The following ARHGEF7 variants were observed in gnomAD, a reference collection of about 807,000 sequenced individuals.
ARHGEF7 encodes Rho guanine nucleotide exchange factor 7.
Under a neutral mutation model 109.8 loss-of-function variants are expected in ARHGEF7, and 33 were observed. That is an observed-to-expected ratio of 0.30 (90% CI 0.23 to 0.40). The LOEUF is 0.40. Ranked by LOEUF, ARHGEF7 falls within the 10% of genes least tolerant of loss-of-function variation. The pLI, the probability that ARHGEF7 is intolerant of heterozygous loss-of-function variation, is 1.00. For synonymous variants in ARHGEF7, 458 were observed against 424.6 expected, an observed-to-expected ratio of 1.08 and a Z score of -0.97; for missense variants, 938 against 1,098.5, an observed-to-expected ratio of 0.85 and a Z score of 2.07.
rs1248906018 is a variant in ARHGEF7 at position 111,221,237 on chromosome 13, ATATATGTC to A, written c.670+3363_670+3370del. Among the ~76,000 whole-genome samples, 391 of 54,186 alleles carry A rather than the reference ATATATGTC, an allele frequency of 7.2e-3. 94 individuals carry two copies. Among genetic ancestry groups the A allele is most frequent in the Non-Finnish European group, 0.013 (347 of 27,658 alleles). 35.5% of individuals were successfully genotyped at this position (54,186 alleles called of 152,430 possible). On this transcript the variant is annotated intron_variant, in intron 5 of 21. Coordinates refer to ENST00000646102, the MANE Select transcript of ARHGEF7 (RefSeq NM_001354046.2). Reference sequence around the variant, plus strand: ...TATGTCTATATATATCTATATAGATATATATGTCTATATATATCTATATAGATATATAT... The same window carrying A: ...TATGTCTATATATATCTATATAGATATATATATATCTATATAGATATATAT...
intron 2 of ARHGEF7, among the ~76,000 whole-genome samples, chr13:111,186,468 G>A (rs1170327551): frequency 6.6e-6 from 1 of 152,214 alleles, no homozygotes; most frequent in Non-Finnish European, 1.5e-5. Context: ...CCCCTGGGGT[G>A]TAGGAGTGGG....
intron 18 of ARHGEF7, among the ~76,000 whole-genome samples, chr13:111,291,389 T>C (rs2093275720): frequency 6.6e-6 from 1 of 152,266 alleles, no homozygotes; most frequent in Non-Finnish European, 1.5e-5. Flanking sequence ...AGGGTCTGCA[T>C]TGGGGTGGCC....
chr13:111,183,907 AG>A (rs2078995414), intron 2 of ARHGEF7, among the ~76,000 whole-genome samples: 1 of 152,164 alleles, frequency 6.6e-6, no homozygotes, highest in Non-Finnish European at 1.5e-5. Context: ...CTTGTGGGGA[AG>A]GGTTGACGGG....
At chr13:111,162,147 C>T (rs115148320) in intron 2 of ARHGEF7, among the ~76,000 whole-genome samples, 417 of 152,318 alleles carry the variant, frequency 2.7e-3, no homozygotes, top group African/African-American at 9.7e-3. Flanking sequence ...AGTACTCCTT[C>T]CTGTCCTATG....
intron 5 of ARHGEF7, among the ~76,000 whole-genome samples, chr13:111,224,948 CAAG>C (rs1443482046): frequency 6.6e-6 from 1 of 152,086 alleles, no homozygotes; most frequent in Non-Finnish European, 1.5e-5. Flanking sequence ...TGTTTTTAAA[CAAG>C]AGAGAAGAAC....
chr13:111,141,830 G>A (rs1279925255), intron 1 of ARHGEF7, among the ~76,000 whole-genome samples: 2 of 152,116 alleles, frequency 1.3e-5, no homozygotes, highest in East Asian at 3.9e-4. Context: ...GCCCCACGTG[G>A]GTAAATATAA....
chr13:111,206,127 A>G (rs2081806844), intron 3 of ARHGEF7, among the ~76,000 whole-genome samples: 1 of 150,936 alleles, frequency 6.6e-6, no homozygotes, highest in Non-Finnish European at 1.5e-5. Context: ...ACCTTCACGG[A>G]TGTTAAATAT....
intron 6 of ARHGEF7, chr13:111,241,173 T>C: frequency 6.5e-7 from 1 of 1,535,800 alleles, no homozygotes. Flanking sequence ...TGTGGGCCTT[T>C]CTTCAGCACT....
At chr13:111,229,552 G>C (rs2153520640) in intron 5 of ARHGEF7, among the ~76,000 whole-genome samples, 1 of 152,186 alleles carries the variant, frequency 6.6e-6, no homozygotes, top group South Asian at 2.1e-4. Flanking sequence ...GATTACATTA[G>C]GTCTTGATTT....
Position 111,233,258 on chromosome 13 carries a change from G to C in ARHGEF7, c.724G>C (p.Asp242His), listed in dbSNP as rs1339036065. 1 of 1,614,010 alleles carries C rather than the reference G, an allele frequency of 6.2e-7. No individual in the cohort carries two copies. The highest frequency in any genetic ancestry group is 2.2e-5 in the East Asian group (1 of 44,898). The change falls in exon 6 of 22, where the codon GAT becomes CAT. Residue 242 changes from aspartate (D) to histidine (H), a missense_variant. Asp to His is a moderately conservative substitution (Grantham distance 81). Transcript: ENST00000646102. Reference protein sequence around the residue: ...GTLKSPPKGFDTTAINKSYYN... With the variant: ...GTLKSPPKGFHTTAINKSYYN... ...ACTGAAGAGCCCTCCCAAAGGATTT[G>C]ATACGACTGCCATAAACAAAAGCTA...
At position 111,185,964 on chromosome 13, in the gene ARHGEF7, G is replaced by A. The variant is rs957085618; in HGVS notation, c.253-19325G>A. On this transcript the variant is annotated intron_variant, in intron 2 of 21. Coordinates refer to ENST00000646102, the MANE Select transcript of ARHGEF7 (RefSeq NM_001354046.2). ...GTCACACTGTCTTTTGGGAGCTCGT[G>A]TGTGTGTGTGTGTGTGTGTGTGTGT... 1.1e-4 allele frequency among the ~76,000 whole-genome samples: 10 copies of A among 87,508 alleles called. No homozygotes were observed. In the East Asian group the frequency reaches 1.6e-3, roughly 14 times the overall value. 57.4% of individuals were successfully genotyped at this position (87,508 alleles called of 152,430 possible). A position where few individuals can be genotyped will look rare whatever the true frequency, so the allele number is the denominator to read the frequency against.
chr13:111,174,659 G>T (rs930882866), intron 2 of ARHGEF7, among the ~76,000 whole-genome samples: 2 of 152,180 alleles, frequency 1.3e-5, no homozygotes, highest in African/African-American at 4.8e-5. Context: ...GTAGACATCT[G>T]GAGGGCCACT....
intron 18 of ARHGEF7, among the ~76,000 whole-genome samples, chr13:111,288,883 G>T (rs2093142133): frequency 6.6e-6 from 1 of 151,940 alleles, no homozygotes; most frequent in African/African-American, 2.4e-5. Flanking sequence ...CCTTGAGCAA[G>T]GTTTCTTTTA....
intron 16 of ARHGEF7, among the ~76,000 whole-genome samples, chr13:111,284,854 C>T (rs780033743): frequency 1.3e-5 from 2 of 152,202 alleles, no homozygotes; most frequent in Non-Finnish European, 2.9e-5. Flanking sequence ...TGACCCTCTG[C>T]GCCTGCAGGT....
rs542823632 is a variant in ARHGEF7 at position 111,130,858 on chromosome 13, G to A, written c.165+15167G>A. ...TCTGACTGATGCATAGCTGTCGTAA[G>A]AGGAGGGGCATGCACCCCTACACAG... On this transcript the variant is annotated intron_variant, in intron 1 of 21. Coordinates refer to ENST00000646102, the MANE Select transcript of ARHGEF7 (RefSeq NM_001354046.2). Among the ~76,000 whole-genome samples the A allele has an allele frequency of 2.6e-5, 4 of 152,322 alleles. No homozygotes were observed. The South Asian group carries it at 8.3e-4, about 32-fold the overall frequency.
intron 1 of ARHGEF7, among the ~76,000 whole-genome samples, chr13:111,132,591 G>T (rs2074813540): frequency 6.6e-6 from 1 of 152,170 alleles, no homozygotes; most frequent in Non-Finnish European, 1.5e-5. Flanking sequence ...TCCTGGGATT[G>T]ACTTTTTCTT....
intron 4 of ARHGEF7, among the ~76,000 whole-genome samples, chr13:111,211,633 A>G (rs1039235203): frequency 2.0e-5 from 3 of 152,190 alleles, no homozygotes; most frequent in Admixed American, 2.0e-4. Context: ...TTTCTCTTTG[A>G]TGGAATGTGC....
In ARHGEF7 at chr13:111,238,665, T is replaced by G. The variant is rs534876059; in HGVS notation, c.760-5207T>G. Among the ~76,000 whole-genome samples the G allele has an allele frequency of 2.6e-5, 4 of 152,072 alleles. No homozygotes were observed. The South Asian group carries it at 8.3e-4, about 32-fold the overall frequency. On this transcript the variant is annotated intron_variant, in intron 6 of 21. Coordinates refer to ENST00000646102, the MANE Select transcript of ARHGEF7 (RefSeq NM_001354046.2). ...CCCATGGCATGGTGACTGGCATCTT[T>G]CCTGATGGGGATCAAAGGAAGGGGT...
intron 2 of ARHGEF7, among the ~76,000 whole-genome samples, chr13:111,154,729 T>C (rs2076169974): frequency 1.3e-5 from 2 of 152,234 alleles, no homozygotes; most frequent in African/African-American, 4.8e-5. Flanking sequence ...ATTTTGCTAT[T>C]GCGATTCTTC....
Sources: gnomAD v4.1 joint callset for allele counts (sites outside exome capture counted in the v4.1 genomes callset) on GRCh38, gnomAD v4.1.1 for gene constraint, MANE v1.5 for transcripts, NCBI Gene and HGNC (gene_info 2026-07-23, HGNC 2026-07-21) for gene names.